The following MAP2K4 variants were observed in gnomAD, a reference collection of about 807,000 sequenced individuals.
MAP2K4 encodes mitogen-activated protein kinase kinase 4.
MAP2K4 carries 4 observed loss-of-function variants against 48.5 expected under a neutral mutation model. The ratio of observed to expected loss-of-function variants is 0.08; its 90% CI spans 0.04 to 0.19. The LOEUF is 0.19. Ranked by LOEUF, MAP2K4 falls within the 10% of genes least tolerant of loss-of-function variation. MAP2K4 has a pLI of 1.00. For synonymous variants in MAP2K4, 166 were observed against 173.1 expected, an observed-to-expected ratio of 0.96 and a Z score of 0.32; for missense variants, 258 against 493.3, an observed-to-expected ratio of 0.52 and a Z score of 4.52.
chr17:12,030,617 TTAATA>T (rs1428720006), intron 1 of MAP2K4, among the ~76,000 whole-genome samples: 21 of 152,362 alleles, frequency 1.4e-4, no homozygotes, highest in Non-Finnish European at 2.5e-4. Context: ...CTTAAAATTT[TTAATA>T]TATTATACAC....
At chr17:12,133,781 A>G (rs543670683) in intron 9 of MAP2K4, among the ~76,000 whole-genome samples, 75 of 152,326 alleles carry the variant, frequency 4.9e-4, no homozygotes, top group Non-Finnish European at 2.9e-5. Context: ...CTAGGACGAT[A>G]TAAGACCCAT....
intron 9 of MAP2K4, among the ~76,000 whole-genome samples, chr17:12,135,938 T>G (rs1973193023): frequency 6.6e-6 from 1 of 152,082 alleles, no homozygotes; most frequent in African/African-American, 2.4e-5. Context: ...GGAGGGAGAT[T>G]ATGGGAGAGA....
chr17:12,035,391 C>T (rs1969562092), intron 1 of MAP2K4, among the ~76,000 whole-genome samples: 1 of 152,164 alleles, frequency 6.6e-6, no homozygotes, highest in South Asian at 2.1e-4. Flanking sequence ...GTGGCACACG[C>T]CTGTAATCCT....
intron 10 of MAP2K4, 100 bp from the exon 11 acceptor site, chr17:12,141,046 TG>T: frequency 1.4e-6 from 1 of 714,408 alleles, no homozygotes. Flanking sequence ...TAGCTATGTG[TG>T]GTTGGGAGCC....
chr17:12,096,085 C>A (rs959569171), intron 4 of MAP2K4, among the ~76,000 whole-genome samples: 1 of 59,612 alleles, frequency 1.7e-5, no homozygotes, highest in Non-Finnish European at 4.6e-5. Flanking sequence ...CCCCCCCCCC[C>A]CCCGCCGCCA....
At chr17:12,064,789 C>T (rs895471606) in intron 2 of MAP2K4, among the ~76,000 whole-genome samples, 12 of 152,118 alleles carry the variant, frequency 7.9e-5, no homozygotes, top group African/African-American at 2.9e-4. Flanking sequence ...TCAGAATAGC[C>T]GCCAAATTAG....
At chr17:12,026,831 A>G (rs965649752) in intron 1 of MAP2K4, 2 of 152,242 alleles carry the variant, frequency 1.3e-5, no homozygotes, top group African/African-American at 4.8e-5. Context: ...TGGTGCTCCA[A>G]GAATGGTGCA....
intron 7 of MAP2K4, among the ~76,000 whole-genome samples, chr17:12,120,894 T>A (rs1358408528): frequency 2.6e-5 from 4 of 152,228 alleles, no homozygotes; most frequent in African/African-American, 9.6e-5. Context: ...TAGCTGCTGT[T>A]TAACAGTTGA....
intron 2 of MAP2K4, among the ~76,000 whole-genome samples, chr17:12,066,379 A>G (rs1485628725): frequency 6.6e-6 from 1 of 152,224 alleles, no homozygotes; most frequent in Non-Finnish European, 1.5e-5. Context: ...ATGTCAGAAT[A>G]CATAATTTAT....
At chr17:12,026,867 G>A (rs1969269105) in intron 1 of MAP2K4, 1 of 152,194 alleles carries the variant, frequency 6.6e-6, no homozygotes, top group Non-Finnish European at 1.5e-5. Context: ...TTCTAAACTT[G>A]CTGGAGGGTT....
At chr17:12,116,045 G>T (rs1404483614) in intron 7 of MAP2K4, among the ~76,000 whole-genome samples, 2 of 152,146 alleles carry the variant, frequency 1.3e-5, no homozygotes, top group South Asian at 4.1e-4. Context: ...CATGAACTGT[G>T]CACTGAAGTC....
At chr17:12,117,597 AT>A (rs55920065) in intron 7 of MAP2K4, among the ~76,000 whole-genome samples, 95,483 of 151,414 alleles carry the variant, frequency 0.63, 30,738 homozygotes, top group East Asian at 0.79. Flanking sequence ...TACTCACTGT[AT>A]TTTTTTTTGT....
intron 4 of MAP2K4, among the ~76,000 whole-genome samples, chr17:12,099,160 G>GT (rs913496639): frequency 1.3e-4 from 19 of 149,630 alleles, no homozygotes; most frequent in African/African-American, 4.4e-4. Context: ...TTGTCTTTCT[G>GT]TTTCTGGTTT....
intron 4 of MAP2K4, among the ~76,000 whole-genome samples, chr17:12,106,652 C>A (rs958431796): frequency 1.3e-5 from 2 of 151,986 alleles, no homozygotes; most frequent in African/African-American, 2.4e-5. Context: ...TTTGATGATA[C>A]AGCTGTATTT....
chr17:12,127,092 T>C (rs1972879018), intron 8 of MAP2K4, among the ~76,000 whole-genome samples: 1 of 152,224 alleles, frequency 6.6e-6, no homozygotes, highest in Admixed American at 6.5e-5. Context: ...CACATAACCT[T>C]GTTAGTTATT....
chr17:12,059,377 A>C (rs1170150379), intron 2 of MAP2K4, among the ~76,000 whole-genome samples: 1 of 152,246 alleles, frequency 6.6e-6, no homozygotes, highest in Non-Finnish European at 1.5e-5. Flanking sequence ...TGACAAACAG[A>C]AGTAGATATT....
At chr17:12,118,274 G>A (rs1454769969) in intron 7 of MAP2K4, among the ~76,000 whole-genome samples, 1 of 152,138 alleles carries the variant, frequency 6.6e-6, no homozygotes, top group East Asian at 1.9e-4. Flanking sequence ...TACAGCTGAT[G>A]AGACAGCCCC....
chr17:12,096,507 T>C (rs989549857), intron 4 of MAP2K4, among the ~76,000 whole-genome samples: 2 of 152,166 alleles, frequency 1.3e-5, no homozygotes, highest in African/African-American at 2.4e-5. Flanking sequence ...CTTAGTTGAG[T>C]AGGACTTGAA....
At chr17:12,113,077 T>C (rs1314338393) in intron 6 of MAP2K4, 156 bp from the exon 7 acceptor site, 2 of 537,386 alleles carry the variant, frequency 3.7e-6, no homozygotes, top group South Asian at 2.9e-5. Flanking sequence ...AATTATTGTA[T>C]GTGATAAATG....
Sources: gnomAD v4.1 joint callset for allele counts (sites outside exome capture counted in the v4.1 genomes callset) on GRCh38, gnomAD v4.1.1 for gene constraint, MANE v1.5 for transcripts, NCBI Gene and HGNC (gene_info 2026-07-23, HGNC 2026-07-21) for gene names.